The following SPATS2 variants were observed in gnomAD, a reference collection of about 807,000 sequenced individuals.
SPATS2 encodes the protein spermatogenesis-associated serine-rich protein 2.
In SPATS2, 38 loss-of-function variants were observed where a neutral mutation model predicts 63.7. That is an observed-to-expected ratio of 0.60 (90% confidence interval 0.46 to 0.78). The LOEUF (loss-of-function observed/expected upper bound fraction) is 0.78. SPATS2 is among the 30% of genes least tolerant of loss of function. The pLI, the probability that SPATS2 is intolerant of heterozygous loss-of-function variation, is 0.00. For synonymous variants in SPATS2, 207 were observed against 232.9 expected (o/e 0.89, Z 1.01); for missense variants, 588 against 666.2 (o/e 0.88, Z 1.29).
At chr12:49,416,227 G>A (rs1378975809) in intron 2 of SPATS2, among the ~76,000 whole-genome samples, 1 of 151,952 alleles carries the variant, frequency 6.6e-6, no homozygotes. Flanking sequence ...GTCATAGCTG[G>A]GGTTGGAATC....
chr12:49,526,555 C>A lies in SPATS2; in HGVS notation c.*300C>A. On this transcript the variant is annotated 3_prime_UTR_variant, in exon 14 of 14. Coordinates refer to ENST00000552918, the MANE Select transcript of SPATS2 (RefSeq NM_023071.4). ...CCTTCCAGTTGATCCCTCCACTGTC[C>A]AGGCTGTCTCAGGAGGAGGTGAATC... 1 of 357,388 alleles carries A rather than the reference C, an allele frequency of 2.8e-6. No homozygotes were observed. The highest frequency in any genetic ancestry group is 5.1e-6 in the Non-Finnish European group (1 of 195,812). The allele number at this position is 357,388 out of a possible 1,614,324, so 22.1% of individuals were successfully genotyped here.
intron 4 of SPATS2, among the ~76,000 whole-genome samples, chr12:49,486,884 C>CT (rs1175896252): frequency 6.6e-6 from 1 of 151,586 alleles, no homozygotes; most frequent in Non-Finnish European, 1.5e-5. Flanking sequence ...GTGGATGAAA[C>CT]TAGGAGATTT....
chr12:49,456,525 A>G (rs979099666), intron 2 of SPATS2, among the ~76,000 whole-genome samples: 5 of 152,364 alleles, frequency 3.3e-5, no homozygotes, highest in African/African-American at 1.2e-4. Flanking sequence ...GCTGCCAGAG[A>G]GCTTTCAGCA....
intron 3 of SPATS2, among the ~76,000 whole-genome samples, chr12:49,465,955 C>A (rs985511128): frequency 7.9e-5 from 12 of 151,050 alleles, no homozygotes; most frequent in African/African-American, 2.9e-4. Context: ...AAAAAAAATT[C>A]TTAATGGTGT....
rs774345840 is a variant in SPATS2, at chr12:49,461,046, A to C, written c.25+9A>C. The C allele has an allele frequency of 2.5e-6, 4 of 1,613,710 alleles. No individual in the cohort carries two copies. The highest frequency in any genetic ancestry group is 8.5e-7 in the Non-Finnish European group (1 of 1,179,816). On this transcript the variant is annotated intron_variant, in intron 3 of 13. Coordinates refer to ENST00000552918, the MANE Select transcript of SPATS2 (RefSeq NM_023071.4). ...GAAACAGAACCAGAAGGGTAAGATT[A>C]CATGTGGGCATAAATTGTTAAAAGC...
intron 2 of SPATS2, among the ~76,000 whole-genome samples, chr12:49,378,970 C>T (rs1376069656): frequency 2.6e-5 from 4 of 151,320 alleles, no homozygotes; most frequent in East Asian, 2.0e-4. Context: ...CAGGCTGGAT[C>T]GCAGTGGTGC....
chr12:49,404,390 G>A (rs1008275620), intron 2 of SPATS2, among the ~76,000 whole-genome samples: 1 of 151,198 alleles, frequency 6.6e-6, no homozygotes, highest in African/African-American at 2.4e-5. Context: ...GGGCCGAAGC[G>A]ATCCTTCCGC....
chr12:49,372,690 G>A (rs1341721278), intron 2 of SPATS2, among the ~76,000 whole-genome samples: 1 of 151,794 alleles, frequency 6.6e-6, no homozygotes, highest in African/African-American at 2.4e-5. Context: ...GCTGCTTACT[G>A]CTTACCTTCT....
At chr12:49,371,560 C>A (rs1447348876) in intron 2 of SPATS2, among the ~76,000 whole-genome samples, 1 of 152,096 alleles carries the variant, frequency 6.6e-6, no homozygotes, top group Non-Finnish European at 1.5e-5. Context: ...TTGATCCATT[C>A]TCATATTGCT....
chr12:49,466,757 G>T (rs193256366), intron 3 of SPATS2, among the ~76,000 whole-genome samples: 127 of 152,286 alleles, frequency 8.3e-4, no homozygotes, highest in African/African-American at 2.8e-3. Context: ...TTTCCCCACA[G>T]AATTTTTTGG....
chr12:49,371,762 A>C (rs542375131), intron 2 of SPATS2, among the ~76,000 whole-genome samples: 97 of 152,104 alleles, frequency 6.4e-4, no homozygotes, highest in Non-Finnish European at 1.2e-3. Context: ...GGTGGGGGGA[A>C]GTGCTACACA....
chr12:49,426,929 T>TA (rs774408421), intron 2 of SPATS2, among the ~76,000 whole-genome samples: 4 of 152,238 alleles, frequency 2.6e-5, no homozygotes, highest in Admixed American at 6.5e-5. Flanking sequence ...TTTTTGGACT[T>TA]ACAGATAATG....
chr12:49,462,485 G>C (rs1945839028), intron 3 of SPATS2: 1 of 700,178 alleles, frequency 1.4e-6, no homozygotes. Flanking sequence ...TAACAGCTCA[G>C]TGGGCCCTTT....
chr12:49,399,977 A>C (rs1337254986), intron 2 of SPATS2, among the ~76,000 whole-genome samples: 1 of 152,218 alleles, frequency 6.6e-6, no homozygotes, highest in Admixed American at 6.5e-5. Flanking sequence ...CGGAGCTTGC[A>C]GTGAGCAGCG....
chr12:49,462,796 T>C (rs1473456083), intron 3 of SPATS2: 1 of 302,166 alleles, frequency 3.3e-6, no homozygotes, highest in Admixed American at 4.9e-5. Flanking sequence ...CCCTCTAAAG[T>C]CAACCCACTT....
chr12:49,416,686 T>TAGAG (rs1944895623), intron 2 of SPATS2, among the ~76,000 whole-genome samples: 1 of 152,032 alleles, frequency 6.6e-6, no homozygotes, highest in African/African-American at 2.4e-5. Context: ...GGTTTCACCA[T>TAGAG]GTTGGCCAGG....
chr12:49,513,724 T>G (rs1168068688), intron 9 of SPATS2, among the ~76,000 whole-genome samples: 6 of 152,228 alleles, frequency 3.9e-5, no homozygotes, highest in African/African-American at 1.4e-4. Context: ...GTGGACTTGG[T>G]GCAACCATGG....
At chr12:49,470,323 C>T (rs907171823) in intron 3 of SPATS2, among the ~76,000 whole-genome samples, 6 of 152,144 alleles carry the variant, frequency 3.9e-5, no homozygotes, top group Non-Finnish European at 8.8e-5. Context: ...TGAGCCACCA[C>T]TCCTGACCCC....
At chr12:49,440,952 C>T (rs1052572154) in intron 2 of SPATS2, among the ~76,000 whole-genome samples, 3 of 152,130 alleles carry the variant, frequency 2.0e-5, no homozygotes, top group Non-Finnish European at 2.9e-5. Flanking sequence ...GTGCTAATAA[C>T]TTTGGTCACT....
Sources: gnomAD v4.1 joint callset for allele counts (sites outside exome capture counted in the v4.1 genomes callset) on GRCh38, gnomAD v4.1.1 for gene constraint, MANE v1.5 for transcripts, NCBI Gene and HGNC (gene_info 2026-07-23, HGNC 2026-07-21) for gene names.